Variants in ALS2 observed in about 807,000 individuals in gnomAD.
ALS2 encodes alsin Rho guanine nucleotide exchange factor ALS2, also known as alsin.
A neutral mutation model predicts 203.4 loss-of-function variants in ALS2; 117 were observed. The observed-to-expected ratio is 0.58, with a 90% CI of 0.50 to 0.67. The LOEUF is 0.67. ALS2 is among the 30% of genes least tolerant of loss of function. ALS2 has a pLI of 0.00. For missense variants in ALS2, 1,715 were observed against 1,989.4 expected (o/e 0.86, Z 2.62); for synonymous variants, 718 against 725.9 (o/e 0.99, Z 0.17).
intron 27 of ALS2, among the ~76,000 whole-genome samples, chr2:201,708,695 G>A (rs915850751): frequency 6.6e-6 from 1 of 151,996 alleles, no homozygotes; most frequent in African/African-American, 2.4e-5. Flanking sequence ...TTTTTTTCCT[G>A]GGCTTTGAGT....
chr2:201,707,098 A>T (rs1689765942), intron 28 of ALS2, 76 bp from the exon 29 acceptor site: 1 of 1,385,348 alleles, frequency 7.2e-7, no homozygotes. Flanking sequence ...GTAGAGCTTC[A>T]GTTTCAAAAA....
chr2:201,708,564 T>A (rs1229671575), intron 27 of ALS2, among the ~76,000 whole-genome samples: 5 of 152,132 alleles, frequency 3.3e-5, no homozygotes, highest in Admixed American at 3.3e-4. Flanking sequence ...CACTCCCCGC[T>A]TTTAGAGTCC....
intron 12 of ALS2, among the ~76,000 whole-genome samples, chr2:201,735,005 C>A (rs2106027647): frequency 6.6e-6 from 1 of 152,198 alleles, no homozygotes; most frequent in South Asian, 2.1e-4. Context: ...TGTGTACATA[C>A]AAGAGAATAT....
chr2:201,724,013 T>C (rs1390159652), intron 21 of ALS2, among the ~76,000 whole-genome samples: 1 of 151,968 alleles, frequency 6.6e-6, no homozygotes, highest in Non-Finnish European at 1.5e-5. Flanking sequence ...AGCTACTTGG[T>C]AGACTGAGGT....
chr2:201,704,733 G>T (rs892090211), intron 31 of ALS2, 130 bp from the exon 32 acceptor site: 1 of 1,037,744 alleles, frequency 9.6e-7, no homozygotes, highest in Non-Finnish European at 1.5e-6. Context: ...ATTATGAGTC[G>T]TTGGAAAGGA....
rs1409969594 is a variant in ALS2, at chr2:201,763,235, C to A, written c.176-1417G>T. ...CAAGATCAGCAAGCACCACGCAGTC[C>A]CTTGCAAGGTGACAGACTGCTGTGG... On this transcript the variant is annotated intron_variant, in intron 3 of 33. Transcript: ENST00000264276. 2.1e-5 allele frequency: 4 copies of A among 188,676 alleles called. No individual in the cohort carries two copies. In the East Asian group the frequency reaches 5.5e-4, roughly 26 times the overall value. The allele number at this position is 188,676 out of a possible 1,614,324, so 11.7% of individuals were successfully genotyped here.
chr2:201,743,001 G>A (rs548294878), intron 10 of ALS2, among the ~76,000 whole-genome samples: 11 of 151,058 alleles, frequency 7.3e-5, no homozygotes, highest in African/African-American at 1.9e-4. Flanking sequence ...AACCCAGGAG[G>A]TGAAGGTTGC....
In ALS2 at chr2:201,704,185, AAT is replaced by A; in HGVS notation, c.4870_4871del (p.Ile1624Ter). 1 of 1,614,162 alleles carries A rather than the reference AAT, an allele frequency of 6.2e-7. No homozygotes were observed. On this transcript the variant is annotated frameshift_variant, in exon 33 of 34. Transcript: ENST00000264276. LOFTEE classifies it high-confidence loss of function. ...GAAGATAGGGGTCCATTAGATCCTC[AAT>A]GAGGTGTACCTCAGAGCCTAAATTC... ...IRNLGSEVHL[I>X]EDLMDPYLQH...
At chr2:201,717,704 G>A (rs1283228139) in intron 24 of ALS2, among the ~76,000 whole-genome samples, 1 of 150,946 alleles carries the variant, frequency 6.6e-6, no homozygotes, top group African/African-American at 2.4e-5. Context: ...AGCACTTTGG[G>A]AGGCTGAGGC....
intron 24 of ALS2, among the ~76,000 whole-genome samples, chr2:201,717,100 C>A (rs1488180632): frequency 6.6e-6 from 1 of 151,898 alleles, no homozygotes; most frequent in African/African-American, 2.4e-5. Context: ...TTTACTATTC[C>A]ACTTGGGGTG....
Position 201,729,158 on chromosome 2 carries a change from T to C in ALS2, c.2606A>G (p.Gln869Arg). 6.2e-7 allele frequency: 1 copy of C among 1,613,704 alleles called. No individual in the cohort carries two copies. The highest frequency in any genetic ancestry group is 8.5e-7 in the Non-Finnish European group (1 of 1,179,954). Residue 869 changes from glutamine to arginine, a missense_variant, in exon 14 of 34, where the codon CAG becomes CGG. Gln to Arg is a conservative substitution (Grantham distance 43). Coordinates refer to ENST00000264276, the MANE Select transcript of ALS2 (RefSeq NM_020919.4). ...ACACTCATAACAAGAACTGGAATCC[T>C]GCAGTTTCTGATATTCTGGAGATGC... ...EVASPEYQKL[Q>R]DSSSCYECLA...
At chr2:201,737,688 G>C (rs188230597) in intron 12 of ALS2, among the ~76,000 whole-genome samples, 1 of 152,128 alleles carries the variant, frequency 6.6e-6, no homozygotes. Flanking sequence ...TTTGGAGGCC[G>C]AGGTGGGTGA....
At chr2:201,726,038 G>C (rs1691141911) in intron 19 of ALS2, among the ~76,000 whole-genome samples, 1 of 152,092 alleles carries the variant, frequency 6.6e-6, no homozygotes, top group Non-Finnish European at 1.5e-5. Flanking sequence ...AAAGTCATTA[G>C]AGCATCATTG....
At chr2:201,759,656 G>A (rs1169074329) in intron 4 of ALS2, 5 of 984,748 alleles carry the variant, frequency 5.1e-6, no homozygotes, top group Non-Finnish European at 4.8e-6. Flanking sequence ...GCTTATCCTT[G>A]ATTTTTTTAA....
At chr2:201,735,810 T>C (rs1470454261) in intron 12 of ALS2, among the ~76,000 whole-genome samples, 2 of 152,256 alleles carry the variant, frequency 1.3e-5, no homozygotes, top group African/African-American at 4.8e-5. Flanking sequence ...CAGTAACTGC[T>C]GTAGCCCTTC....
intron 23 of ALS2, among the ~76,000 whole-genome samples, chr2:201,721,154 C>T (rs183868656): frequency 6.5e-4 from 99 of 152,052 alleles, no homozygotes; most frequent in African/African-American, 2.2e-3. Flanking sequence ...AAAATATTGC[C>T]AAGAGAAATT....
chr2:201,741,164 A>T (rs1692244684), intron 11 of ALS2: 1 of 153,586 alleles, frequency 6.5e-6, no homozygotes, highest in Non-Finnish European at 1.4e-5. Context: ...TTGCTTGAAA[A>T]ATATGCAAAG....
intron 3 of ALS2, chr2:201,763,422 C>T (rs1421162876): frequency 2.6e-5 from 6 of 234,872 alleles, no homozygotes; most frequent in Non-Finnish European, 4.3e-5. Context: ...ACCTATGATG[C>T]CATCTCCAAG....
At chr2:201,738,289 T>C (rs1164407411) in intron 12 of ALS2, among the ~76,000 whole-genome samples, 1 of 152,202 alleles carries the variant, frequency 6.6e-6, no homozygotes, top group Non-Finnish European at 1.5e-5. Context: ...GCAAATAGGT[T>C]GTATCTGCGC....
Sources: allele counts gnomAD v4.1 joint callset (sites outside exome capture counted in the v4.1 genomes callset), GRCh38; gene constraint gnomAD v4.1.1; transcripts MANE v1.5; gene names NCBI Gene and HGNC (gene_info 2026-07-23, HGNC 2026-07-21).